CCND3: variants seen among roughly 807,000 people sequenced by gnomAD.
CCND3 encodes G1/S-specific cyclin-D3.
Under a neutral mutation model 28.7 loss-of-function variants are expected in CCND3, and 9 were observed. The ratio of observed to expected loss-of-function variants is 0.31; its 90% confidence interval spans 0.19 to 0.55. The LOEUF (loss-of-function observed/expected upper bound fraction) is 0.55, where lower values mean the gene tolerates loss of function less well. Among genes scored for constraint, CCND3 ranks in the 20% least tolerant of loss-of-function variants. CCND3 has a pLI of 0.93. For missense variants in CCND3, 315 were observed against 385.8 expected, an observed-to-expected ratio of 0.82 and a Z score of 1.54; for synonymous variants, 164 against 163.9, an observed-to-expected ratio of 1.00 and a Z score of 0.00.
chr6:41,951,573 C>CAAAAAA (rs1489585484), intron 1 of CCND3, among the ~76,000 whole-genome samples: 24 of 71,258 alleles, frequency 3.4e-4, no homozygotes, highest in Non-Finnish European at 5.5e-4. Context: ...CACACACACA[C>CAAAAAA]ACAAAAAAAA....
chr6:42,034,645 C>T (rs78138774), intron 1 of CCND3, among the ~76,000 whole-genome samples: 11,444 of 151,348 alleles, frequency 0.076, 603 homozygotes, highest in East Asian at 0.23. Context: ...GCCCGGTTAT[C>T]TGTGTGTGTA....
upstream of CCND3, among the ~76,000 whole-genome samples, chr6:41,943,426 T>A (rs1193637300): frequency 1.3e-5 from 2 of 152,212 alleles, no homozygotes; most frequent in Non-Finnish European, 2.9e-5. Flanking sequence ...CACTTTTCCA[T>A]GCTATTAAAT....
intron 1 of CCND3, among the ~76,000 whole-genome samples, chr6:42,000,233 A>ATTT (rs1561980601): frequency 9.6e-5 from 3 of 31,262 alleles, no homozygotes; most frequent in African/African-American, 3.6e-4. Flanking sequence ...TTGAAAACAT[A>ATTT]CTTTTTTTTT....
chr6:42,030,359 C>A (rs1465737146), intron 1 of CCND3, among the ~76,000 whole-genome samples: 1 of 152,130 alleles, frequency 6.6e-6, no homozygotes, highest in Non-Finnish European at 1.5e-5. Flanking sequence ...GACTTGAACC[C>A]TCAGGAAATA....
intron 1 of CCND3, among the ~76,000 whole-genome samples, chr6:41,994,995 C>T (rs530176066): frequency 1.3e-5 from 2 of 151,854 alleles, no homozygotes; most frequent in African/African-American, 4.8e-5. Flanking sequence ...TCACTTGAAC[C>T]CAGGAGGCGG....
chr6:41,953,327 C>T (rs1349746997), intron 1 of CCND3, among the ~76,000 whole-genome samples: 2 of 151,362 alleles, frequency 1.3e-5, no homozygotes, highest in African/African-American at 4.8e-5. Flanking sequence ...GTCCCAGGAC[C>T]TGGCTCTGTC....
intron 1 of CCND3, among the ~76,000 whole-genome samples, chr6:42,040,904 G>C (rs1764354794): frequency 6.6e-6 from 1 of 151,554 alleles, no homozygotes; most frequent in African/African-American, 2.4e-5. Flanking sequence ...CATAGAATAT[G>C]TTTGTGAGGA....
intron 1 of CCND3, among the ~76,000 whole-genome samples, chr6:42,002,550 T>C (rs1342907888): frequency 4.0e-5 from 6 of 151,634 alleles, no homozygotes; most frequent in Non-Finnish European, 2.9e-5. Flanking sequence ...TAGCCTTAAG[T>C]GCATGTATTA....
At chr6:41,946,387 A>G (rs1362279671), upstream of CCND3, among the ~76,000 whole-genome samples, 1 of 151,772 alleles carries the variant, frequency 6.6e-6, no homozygotes, top group Non-Finnish European at 1.5e-5. Context: ...ACTTGAGGCC[A>G]GGAGTTTGAG....
intron 1 of CCND3, among the ~76,000 whole-genome samples, chr6:41,966,513 A>C (rs1761891167): frequency 6.6e-6 from 1 of 152,194 alleles, no homozygotes; most frequent in Non-Finnish European, 1.5e-5. Flanking sequence ...GTTTATCTCC[A>C]GGTGATTCCG....
Position 41,940,354 on chromosome 6 carries a change from GGA to G in CCND3, c.414+14_414+15del, listed in dbSNP as rs1561951841. Reference sequence around the variant, plus strand: ...GAGACAATACGTGTCGGGGGTGGGGGGAGTTACACACGCACCCGCAACTGGCG... The same window carrying G: ...GAGACAATACGTGTCGGGGGTGGGGGGTTACACACGCACCCGCAACTGGCG... On this transcript the variant is annotated intron_variant, in intron 2 of 4. Transcript: ENST00000372991. 6.3e-7 allele frequency: 1 copy of G among 1,598,044 alleles called. No individual in the cohort carries two copies. Among genetic ancestry groups the G allele is most frequent in the Admixed American group, 1.7e-5 (1 of 60,006 alleles).
chr6:41,981,058 A>G (rs1361145674), intron 1 of CCND3, among the ~76,000 whole-genome samples: 1 of 152,202 alleles, frequency 6.6e-6, no homozygotes, highest in African/African-American at 2.4e-5. Context: ...TAAAAAGCAT[A>G]AGATGGGGAG....
At chr6:41,987,689 A>AG (rs755583928) in intron 1 of CCND3, among the ~76,000 whole-genome samples, 20 of 149,474 alleles carry the variant, frequency 1.3e-4, no homozygotes, top group South Asian at 1.3e-3. Flanking sequence ...TTTAATAGAG[A>AG]GGGGGTCTTG....
chr6:41,983,978 C>T (rs1202766488), intron 1 of CCND3, among the ~76,000 whole-genome samples: 3 of 152,150 alleles, frequency 2.0e-5, no homozygotes, highest in African/African-American at 7.2e-5. Flanking sequence ...CCCCTGGCAA[C>T]CACCATTCCA....
intron 1 of CCND3, among the ~76,000 whole-genome samples, chr6:41,991,305 C>T (rs570799114): frequency 3.2e-4 from 49 of 152,230 alleles, no homozygotes; most frequent in Admixed American, 2.4e-3. Flanking sequence ...GTGATCCACC[C>T]GCCTTGGTCT....
intron 1 of CCND3, among the ~76,000 whole-genome samples, chr6:42,015,293 T>TG (rs1489025137): frequency 1.3e-5 from 2 of 152,022 alleles, no homozygotes; most frequent in Admixed American, 1.3e-4. Flanking sequence ...GAGTGAGTGG[T>TG]GGGGGCTGTA....
chr6:42,045,148 A>C (rs971902181), intron 1 of CCND3, among the ~76,000 whole-genome samples: 1 of 152,002 alleles, frequency 6.6e-6, no homozygotes, highest in Non-Finnish European at 1.5e-5. Flanking sequence ...ATCCCTTCCA[A>C]TTCTATCCCT....
intron 1 of CCND3, among the ~76,000 whole-genome samples, chr6:42,033,645 C>A (rs1487493651): frequency 6.7e-6 from 1 of 148,798 alleles, no homozygotes; most frequent in Non-Finnish European, 1.5e-5. Flanking sequence ...ATCAGAAGGA[C>A]GAGACCAGCC....
intron 1 of CCND3, among the ~76,000 whole-genome samples, chr6:42,045,036 C>G (rs868802244): frequency 1.3e-5 from 2 of 150,270 alleles, no homozygotes; most frequent in Middle Eastern, 6.9e-3. Context: ...GAACTGCTGA[C>G]CTCGTGATCC....
Sources: allele counts gnomAD v4.1 joint callset (sites outside exome capture counted in the v4.1 genomes callset), GRCh38; gene constraint gnomAD v4.1.1; transcripts MANE v1.5; gene names NCBI Gene and HGNC (gene_info 2026-07-23, HGNC 2026-07-21).